The following RNF31 variants were observed in gnomAD, a reference collection of about 807,000 sequenced individuals.
The protein encoded by RNF31 is E3 ubiquitin-protein ligase RNF31.
In RNF31, 38 loss-of-function variants were observed where a neutral mutation model predicts 133.6. The ratio of observed to expected loss-of-function variants is 0.28; its 90% CI spans 0.22 to 0.37. The LOEUF is 0.37. Ranked by LOEUF, RNF31 falls within the 10% of genes least tolerant of loss-of-function variation. The pLI is 1.00. For missense variants in RNF31, 1,118 were observed against 1,394.1 expected (o/e 0.80, Z 3.15); for synonymous variants, 582 against 552.3 (o/e 1.05, Z -0.75).
Position 24,150,332 on chromosome 14 carries a change from T to G in RNF31, c.1081T>G (p.Phe361Val). Residue 361 changes from phenylalanine to valine, a missense_variant, in exon 7 of 21, where the codon TTT (phenylalanine) becomes GTT (valine). Physicochemically the swap from Phe to Val is conservative, Grantham distance 50. Around this residue, in one of 3 missense-constraint regions of RNF31, gnomAD observed 747 missense variants for 827.9 expected, o/e 0.90. Transcript: ENST00000324103. ...TCGGTGGGCCTGCCAGAGCTGTACC[T>G]TTGAGAATGAGGCAGCTGCTGTGCT... ...RGRWACQSCT[F>V]ENEAAAVLCS... is the part of the protein sequence containing the mutation. 6.2e-7 allele frequency: 1 copy of G among 1,614,124 alleles called. No homozygotes were observed. The highest frequency in any genetic ancestry group is 1.3e-5 in the African/African-American group (1 of 75,030).
chr14:24,159,464 G>C (rs534117304), intron 18 of RNF31, among the ~76,000 whole-genome samples: 1 of 151,544 alleles, frequency 6.6e-6, no homozygotes, highest in East Asian at 1.9e-4. Context: ...CTTGAGCCCA[G>C]GAGTTTGAGA....
chr14:24,148,507 C>T (rs1232435373), intron 3 of RNF31, 94 bp downstream of exon 3: 1 of 1,602,420 alleles, frequency 6.2e-7, no homozygotes, highest in Non-Finnish European at 8.5e-7. Flanking sequence ...TGCTGCTGAA[C>T]TATGGGCATA....
rs2038426790 is a variant in RNF31, at chr14:24,160,321, G to C, written c.3079G>C (p.Glu1027Gln). The C allele has an allele frequency of 6.2e-7, 1 of 1,614,216 alleles. No individual in the cohort carries two copies. Among genetic ancestry groups the C allele is most frequent in the African/African-American group, 1.3e-5 (1 of 75,058 alleles). The change falls in exon 20 of 21, where the codon GAG becomes CAG. Residue 1027 changes from glutamate to glutamine, a missense_variant. Physicochemically the swap from Glu to Gln is conservative, Grantham distance 29. Around this residue, in one of 3 missense-constraint regions of RNF31, gnomAD observed 170 missense variants for 194.5 expected, o/e 0.87. Coordinates refer to ENST00000324103, the MANE Select transcript of RNF31 (RefSeq NM_017999.5). The surrounding 1 kb of genome is among the most constrained non-coding windows in gnomAD (Gnocchi z 4.0). ...CACCTTGTATGAGGTGGAAGAGCTG[G>C]AGACGGCCACTGAGCGCTACCTGCA... ...PATLYEVEEL[E>Q]TATERYLHVR...
chr14:24,153,832 A>C (rs2038303239), intron 11 of RNF31, among the ~76,000 whole-genome samples: 1 of 151,902 alleles, frequency 6.6e-6, no homozygotes, highest in African/African-American at 2.4e-5. Flanking sequence ...TGAACCTGGG[A>C]GACAGAGGTT....
rs201434176 is a variant in RNF31, at chr14:24,156,811, GA to G, written c.2494-472del. 3.6e-3 allele frequency among the ~76,000 whole-genome samples: 548 copies of G among 151,778 alleles called. 1 individual carries two copies. Among genetic ancestry groups the G allele is most frequent in the African/African-American group, 0.011 (437 of 41,412 alleles). ...AAAAAAGAAGTGTAATATTTGATAC[GA>G]AAAAAATTTCATCTGCATCATGTCT... On this transcript the variant is annotated intron_variant, in intron 14 of 20. Transcript: ENST00000324103.
rs746382247 is a variant in RNF31 at position 24,160,233 on chromosome 14, C to T, written c.2997-6C>T. 18 of 1,610,014 alleles carry T rather than the reference C, an allele frequency of 1.1e-5. No individual in the cohort carries two copies. The highest frequency in any genetic ancestry group is 1.7e-5 in the Admixed American group (1 of 59,880). The stretch of plus-strand genomic sequence containing the variant: ...CAACAAATATTCTGCTCCCTTTTCT[C>T]CCCAGGGCACACTACAAAGAGTATC... On this transcript the variant is annotated splice_region_variant and splice_polypyrimidine_tract_variant and intron_variant, in intron 19 of 20. Transcript: ENST00000324103. This position sits in a 1 kb window ranked among gnomAD's most constrained non-coding sequence, Gnocchi z 4.0.
chr14:24,153,317 G>A (rs975113759), intron 11 of RNF31, among the ~76,000 whole-genome samples: 2 of 152,048 alleles, frequency 1.3e-5, no homozygotes, highest in African/African-American at 2.4e-5. Flanking sequence ...GGTGGCTCAC[G>A]CCTGTCATCC....
rs779294884 is a variant in RNF31, at chr14:24,150,839, G to T, written c.1439G>T (p.Arg480Leu). 2.5e-6 allele frequency: 4 copies of T among 1,579,318 alleles called. No homozygotes were observed. The highest frequency in any genetic ancestry group is 2.3e-5 in the South Asian group (2 of 86,342). ...PSSCGDPEKQ[R>L]QDKMREEGLQ... ...TCCTGTGGAGATCCTGAGAAGCAGC[G>T]CCAAGACAAGATGCGGGAAGAAGGC... The change falls in exon 8 of 21, where the codon CGC becomes CTC. Residue 480 changes from arginine to leucine, a missense_variant. This residue lies in a region of RNF31 where 747 missense variants were observed against 827.9 expected (regional missense o/e 0.90). Transcript: ENST00000324103.
chr14:24,155,360 C>T lies in RNF31; in HGVS notation c.2304+30C>T. On this transcript the variant is annotated intron_variant, in intron 12 of 20. Transcript: ENST00000324103. This position sits in a 1 kb window ranked among gnomAD's most constrained non-coding sequence, Gnocchi z 4.9. Reference sequence around the variant, plus strand: ...TGCAGCCCCTCTAGGACTCAGGTACCCTGAGCTTTGAACAGGGACCCTCCC... The same window carrying T: ...TGCAGCCCCTCTAGGACTCAGGTACTCTGAGCTTTGAACAGGGACCCTCCC... The T allele has an allele frequency of 6.2e-7, 1 of 1,614,142 alleles. No individual in the cohort carries two copies. The highest frequency in any genetic ancestry group is 8.5e-7 in the Non-Finnish European group (1 of 1,179,992).
intron 6 of RNF31, 109 bp downstream of exon 6, chr14:24,149,692 G>T: frequency 8.8e-7 from 1 of 1,130,144 alleles, no homozygotes. Context: ...TAGAGGACAA[G>T]TAGCCAGTCA....
intron 18 of RNF31, among the ~76,000 whole-genome samples, chr14:24,159,511 T>TA (rs2038408095): frequency 8.6e-6 from 1 of 115,648 alleles, no homozygotes; most frequent in East Asian, 2.2e-4. Flanking sequence ...TGTCTCTATT[T>TA]AAAAAATAAA....
At chr14:24,157,049 T>C (rs986015034) in intron 14 of RNF31, among the ~76,000 whole-genome samples, 18 of 151,820 alleles carry the variant, frequency 1.2e-4, no homozygotes, top group African/African-American at 4.1e-4. Flanking sequence ...GCAGTAGGGA[T>C]GAAGGAAAAG....
Position 24,151,202 on chromosome 14 carries a change from T to G in RNF31, c.1560T>G (p.Pro520=), listed in dbSNP as rs767779244. 6.2e-7 allele frequency: 1 copy of G among 1,614,188 alleles called. No individual in the cohort carries two copies. The highest frequency in any genetic ancestry group is 8.5e-7 in the Non-Finnish European group (1 of 1,180,044). ...TGCAGTACTCGGGCACTGAGGTGCC[T>G]CTGCAGTGGTTGCGCTCAGAACTGC... ...SALQYSGTEV[P]LQWLRSELPY... is the part of the protein sequence containing the mutation. The change falls in exon 9 of 21, where the codon CCT becomes CCG. Residue 520 remains proline (P), a synonymous_variant. Coordinates refer to ENST00000324103, the MANE Select transcript of RNF31 (RefSeq NM_017999.5). The surrounding 1 kb of genome is among the most constrained non-coding windows in gnomAD (Gnocchi z 5.3).
At position 24,155,440 on chromosome 14, in the gene RNF31, C is replaced by A. The variant is rs778099376; in HGVS notation, c.2331C>A (p.Ala777=). The change falls in exon 13 of 21, where the codon GCC becomes GCA. Residue 777 remains alanine, a synonymous_variant. Transcript: ENST00000324103. The surrounding 1 kb of genome is among the most constrained non-coding windows in gnomAD (Gnocchi z 4.9). Reference sequence around the variant, plus strand: ...TTCGCGAGAGCCTAGAGCCAGATGCCTATGCGTTGTTCCATAAGAAGCTGA... The same window carrying A: ...TTCGCGAGAGCCTAGAGCCAGATGCATATGCGTTGTTCCATAAGAAGCTGA... ...IQLRESLEPD[A]YALFHKKLTE... 2 of 1,614,098 alleles carry A rather than the reference C, an allele frequency of 1.2e-6. No individual in the cohort carries two copies. Among genetic ancestry groups the A allele is most frequent in the African/African-American group, 2.7e-5 (2 of 74,930 alleles).
At position 24,150,688 on chromosome 14, in the gene RNF31, G is replaced by A. The variant is rs1255439925; in HGVS notation, c.1288G>A (p.Val430Ile). The change falls in exon 8 of 21, where the codon GTT becomes ATT. Residue 430 changes from valine to isoleucine, a missense_variant. This residue lies in a region of RNF31 where 747 missense variants were observed against 827.9 expected (regional missense o/e 0.90). Transcript: ENST00000324103. The part of the protein sequence containing the change: ...FCNSSPGWVC[V>I]MCNRTSSPIP... ...CAACTCGAGCCCTGGCTGGGTGTGTGTTATGTGCAACCGGACTAGTAGCCC... is the reference window on the plus strand; with the variant it reads ...CAACTCGAGCCCTGGCTGGGTGTGTATTATGTGCAACCGGACTAGTAGCCC... 7.4e-6 allele frequency: 12 copies of A among 1,614,202 alleles called. No homozygotes were observed. The highest frequency in any genetic ancestry group is 1.0e-5 in the Non-Finnish European group (12 of 1,180,036).
At chr14:24,156,262 T>A (rs1175750047) in intron 14 of RNF31, among the ~76,000 whole-genome samples, 2 of 152,218 alleles carry the variant, frequency 1.3e-5, no homozygotes, top group Non-Finnish European at 2.9e-5. Context: ...GCCTTCATTC[T>A]GAGATAAAGC....
In RNF31 at chr14:24,160,586, G is replaced by T. The variant is rs1208973761; in HGVS notation, c.*13G>T. 6.6e-7 allele frequency: 1 copy of T among 1,517,108 alleles called. No individual in the cohort carries two copies. Among genetic ancestry groups the T allele is most frequent in the Non-Finnish European group, 8.8e-7 (1 of 1,131,332 alleles). 94.0% of individuals were successfully genotyped at this position (1,517,108 alleles called of 1,614,324 possible). On this transcript the variant is annotated 3_prime_UTR_variant, in exon 21 of 21. Transcript: ENST00000324103. The surrounding 1 kb of genome is among the most constrained non-coding windows in gnomAD (Gnocchi z 4.0). ...CAGGCGGAAGTAGCTGAGGGCAAGG[G>T]TCCCGATGAGGGTCCCATGGCCTGC...
intron 6 of RNF31, 84 bp downstream of exon 6, chr14:24,149,667 C>T: frequency 1.5e-6 from 2 of 1,372,808 alleles, no homozygotes; most frequent in Non-Finnish European, 2.0e-6. Context: ...AGTTTCTGTG[C>T]TAAAGACTGT....
Position 24,155,484 on chromosome 14 carries a change from G to C in RNF31, c.2375G>C (p.Arg792Pro). The change falls in exon 13 of 21, where the codon CGG becomes CCG. Residue 792 changes from arginine to proline, a missense_variant. Around this residue, in one of 3 missense-constraint regions of RNF31, gnomAD observed 201 missense variants for 371.7 expected, o/e 0.54. Transcript: ENST00000324103. The surrounding 1 kb of genome is among the most constrained non-coding windows in gnomAD (Gnocchi z 4.9). ...AAGCTGACCGAGGGTGTGCTGATGCGGGACCCCAAGTTCTTGTGGTGTGCC... is the reference window on the plus strand; with the variant it reads ...AAGCTGACCGAGGGTGTGCTGATGCCGGACCCCAAGTTCTTGTGGTGTGCC... ...HKKLTEGVLM[R>P]DPKFLWCAQC... The C allele has an allele frequency of 6.2e-7, 1 of 1,614,220 alleles. No homozygotes were observed. Among genetic ancestry groups the C allele is most frequent in the Non-Finnish European group, 8.5e-7 (1 of 1,180,048 alleles).
Sources: allele counts gnomAD v4.1 joint callset (sites outside exome capture counted in the v4.1 genomes callset), GRCh38; gene constraint gnomAD v4.1.1; regional missense constraint gnomAD v4.1.1; non-coding constraint Gnocchi (gnomAD v3.1); transcripts MANE v1.5; gene names NCBI Gene and HGNC (gene_info 2026-07-23, HGNC 2026-07-21).